Variants in FAP observed in about 807,000 individuals in gnomAD.
FAP encodes the protein prolyl endopeptidase FAP.
Under a neutral mutation model 126.5 loss-of-function variants are expected in FAP, and 110 were observed. That is an observed-to-expected ratio of 0.87 (90% CI 0.74 to 1.02). The LOEUF is 1.02. FAP is among the 50% of genes least tolerant of loss of function. The pLI is 0.00. For missense variants in FAP, 919 were observed against 909.2 expected (o/e 1.01, Z -0.14); for synonymous variants, 334 against 297.3 (o/e 1.12, Z -1.27).
At chr2:162,181,622 A>G (rs1687698910) in intron 21 of FAP, among the ~76,000 whole-genome samples, 1 of 152,194 alleles carries the variant, frequency 6.6e-6, no homozygotes, top group Non-Finnish European at 1.5e-5. Flanking sequence ...TCCCACAGCC[A>G]TAATTATCCA....
intron 21 of FAP, among the ~76,000 whole-genome samples, chr2:162,179,718 C>A (rs940815468): frequency 8.6e-5 from 13 of 150,520 alleles, no homozygotes; most frequent in Non-Finnish European, 1.6e-4. Context: ...ATTGCAGATG[C>A]GAGAAATAGC....
intron 2 of FAP, among the ~76,000 whole-genome samples, chr2:162,230,762 T>G (rs1559794097): frequency 6.6e-6 from 1 of 152,060 alleles, no homozygotes; most frequent in African/African-American, 2.4e-5. Context: ...TCCAAATCTC[T>G]GGGGGGTGGG....
intron 20 of FAP, among the ~76,000 whole-genome samples, chr2:162,184,815 G>A (rs1345862069): frequency 6.6e-6 from 1 of 152,008 alleles, no homozygotes; most frequent in Non-Finnish European, 1.5e-5. Context: ...AGACAGTTCT[G>A]AGCCATAAAA....
In FAP at chr2:162,242,929, T is replaced by G; in HGVS notation, c.70A>C (p.Ile24Leu). 1.2e-6 allele frequency: 2 copies of G among 1,613,114 alleles called. No homozygotes were observed. Among genetic ancestry groups the G allele is most frequent in the Non-Finnish European group, 1.7e-6 (2 of 1,179,406 alleles). Residue 24 changes from isoleucine (I) to leucine (L), a missense_variant, in exon 2 of 26, where the codon ATT becomes CTT. Coordinates refer to ENST00000188790, the MANE Select transcript of FAP (RefSeq NM_004460.5). ...TTACCTCTTGAAGGGCGTAAGACAA[T>G]GCACATCACCAATAAGGCAAGCACA... is the stretch of plus-strand genomic sequence containing the variant. ...SAVLALLVMC[I>L]VLRPSRVHNS...
Position 162,197,017 on chromosome 2 carries a change from T to C in FAP, c.1402+1740A>G, listed in dbSNP as rs142485525. Among the ~76,000 whole-genome samples, 6 of 152,326 alleles carry C rather than the reference T, an allele frequency of 3.9e-5. No individual in the cohort carries two copies. In the East Asian group the frequency reaches 1.2e-3, roughly 29 times the overall value. On this transcript the variant is annotated intron_variant, in intron 16 of 25. Coordinates refer to ENST00000188790, the MANE Select transcript of FAP (RefSeq NM_004460.5). ...TGGGCACACAGGCTCAAGTAGATATTAGGAAGACAACGTAATACAAAATGT... is the reference window on the plus strand; with the variant it reads ...TGGGCACACAGGCTCAAGTAGATATCAGGAAGACAACGTAATACAAAATGT...
chr2:162,243,038 A>G (rs766937711), intron 1 of FAP, 46 bp from the exon 2 acceptor site: 89 of 1,463,578 alleles, frequency 6.1e-5, no homozygotes, highest in Admixed American at 9.0e-5. Flanking sequence ...TTCCTGCTAA[A>G]TAGTAGAAAT....
chr2:162,229,562 T>G (rs370577626), intron 2 of FAP, among the ~76,000 whole-genome samples: 1 of 152,140 alleles, frequency 6.6e-6, no homozygotes, highest in Non-Finnish European at 1.5e-5. Flanking sequence ...AAGTGCAATT[T>G]GTACTAATAT....
At position 162,219,101 on chromosome 2, in the gene FAP, T is replaced by C. The variant is rs760317499; in HGVS notation, c.569A>G (p.Asn190Ser). 2 of 1,606,322 alleles carry C rather than the reference T, an allele frequency of 1.2e-6. No homozygotes were observed. The highest frequency in any genetic ancestry group is 1.7e-6 in the Non-Finnish European group (2 of 1,175,344). ...GTCTGGGATTCCATTAAATATTTTA[T>C]TTTCTCTTCCATTAAATGTTATTTG... The part of the protein sequence containing the change: ...PFQITFNGRE[N>S]KIFNGIPDWV... Residue 190 changes from asparagine (N) to serine (S), a missense_variant, in exon 8 of 26, where the codon AAT (asparagine) becomes AGT (serine). Transcript: ENST00000188790.
At chr2:162,180,422 G>T (rs1687657100) in intron 21 of FAP, among the ~76,000 whole-genome samples, 1 of 152,146 alleles carries the variant, frequency 6.6e-6, no homozygotes, top group Admixed American at 6.5e-5. Context: ...GGGTCTTGTT[G>T]GAAATGCACT....
intron 12 of FAP, among the ~76,000 whole-genome samples, chr2:162,204,541 T>A (rs1444791325): frequency 6.6e-6 from 1 of 152,142 alleles, no homozygotes; most frequent in Admixed American, 6.5e-5. Context: ...GAAGACTATG[T>A]GAAGACAGAA....
intron 17 of FAP, among the ~76,000 whole-genome samples, chr2:162,191,217 C>T (rs780847027): frequency 6.6e-6 from 1 of 152,074 alleles, no homozygotes; most frequent in Non-Finnish European, 1.5e-5. Context: ...GGTGTTGTCA[C>T]GTGGTTATGG....
intron 2 of FAP, among the ~76,000 whole-genome samples, chr2:162,237,722 T>C (rs1334226662): frequency 6.6e-6 from 1 of 152,236 alleles, no homozygotes; most frequent in African/African-American, 2.4e-5. Context: ...TACCCAGTAA[T>C]GGGATGGCTG....
chr2:162,221,193 C>T (rs2106279271), intron 6 of FAP, among the ~76,000 whole-genome samples: 1 of 152,194 alleles, frequency 6.6e-6, no homozygotes, highest in Admixed American at 6.5e-5. Context: ...ACATGAGCAC[C>T]AGGCCCCTGG....
chr2:162,198,433 G>T, intron 16 of FAP: 1 of 1,032,716 alleles, frequency 9.7e-7, no homozygotes, highest in Non-Finnish European at 1.3e-6. Context: ...TCTGCACGCA[G>T]TCTTAGTGCT....
intron 21 of FAP, among the ~76,000 whole-genome samples, chr2:162,178,463 C>T (rs1687565368): frequency 2.6e-5 from 4 of 152,116 alleles, no homozygotes; most frequent in Admixed American, 2.6e-4. Flanking sequence ...CACTAGATGC[C>T]AGTAGCACTC....
At chr2:162,225,603 G>A (rs1396027525) in intron 3 of FAP, 26 bp from the exon 4 acceptor site, 2 of 1,562,984 alleles carry the variant, frequency 1.3e-6, no homozygotes, top group Non-Finnish European at 1.7e-6. Flanking sequence ...AAAACAAAAT[G>A]TAAATGATCT....
chr2:162,194,637 G>A, intron 17 of FAP, 64 bp downstream of exon 17: 1 of 1,446,154 alleles, frequency 6.9e-7, no homozygotes, highest in Non-Finnish European at 9.7e-7. Flanking sequence ...GCTTTCTCTA[G>A]CGGAGCATCA....
At chr2:162,178,064 G>C (rs1033723037) in intron 21 of FAP, among the ~76,000 whole-genome samples, 7 of 152,146 alleles carry the variant, frequency 4.6e-5, no homozygotes, top group Admixed American at 1.3e-4. Context: ...CTCTTTCGGG[G>C]AAACTGTAAG....
At chr2:162,182,932 A>C (rs1240050206) in intron 21 of FAP, among the ~76,000 whole-genome samples, 1 of 152,234 alleles carries the variant, frequency 6.6e-6, no homozygotes, top group East Asian at 1.9e-4. Context: ...CATTCGGTCT[A>C]CTAAAATAAT....
Sources: gnomAD v4.1 joint callset for allele counts (sites outside exome capture counted in the v4.1 genomes callset) on GRCh38, gnomAD v4.1.1 for gene constraint, MANE v1.5 for transcripts, NCBI Gene and HGNC (gene_info 2026-07-23, HGNC 2026-07-21) for gene names.